The following ZNF43 variants were observed in gnomAD, a reference collection of about 807,000 sequenced individuals.
ZNF43 encodes zinc finger protein 43, also known as zinc finger protein 39-like 1 (KOX 27).
A neutral mutation model predicts 68.4 loss-of-function variants in ZNF43; 44 were observed. The observed-to-expected ratio is 0.64, with a 90% CI of 0.51 to 0.83. The LOEUF is 0.83. Among genes scored for constraint, ZNF43 ranks in the 40% least tolerant of loss-of-function variants. The pLI, the probability that ZNF43 is intolerant of heterozygous loss-of-function variation, is 0.00. For missense variants in ZNF43, 896 were observed against 933.2 expected (o/e 0.96, Z 0.52); for synonymous variants, 308 against 307.8 (o/e 1.00, Z -0.01).
At chr19:21,841,243 G>T (rs1967510701) in intron 1 of ZNF43, 1 of 152,194 alleles carries the variant, frequency 6.6e-6, no homozygotes, top group African/African-American at 2.4e-5. Flanking sequence ...TGTGAACTGG[G>T]CTAAAGTGTA....
Position 21,806,578 on chromosome 19 carries a change from A to G in ZNF43, c.*1029T>C, listed in dbSNP as rs1425974516. ...CAGCAACAATTGGTCACATGCTTTC[A>G]CATGTGAATATAGCAGGAATGAAAA... On this transcript the variant is annotated 3_prime_UTR_variant, in exon 4 of 4. Transcript: ENST00000354959. 1 of 152,238 alleles carries G rather than the reference A, an allele frequency of 6.6e-6. No individual in the cohort carries two copies. Among genetic ancestry groups the G allele is most frequent in the Non-Finnish European group, 1.5e-5 (1 of 68,042 alleles). The allele number at this position is 152,238 out of a possible 1,614,324, so 9.4% of individuals were successfully genotyped here. A position where few individuals can be genotyped will look rare whatever the true frequency, so the allele number is the denominator to read the frequency against.
chr19:21,824,541 A>G (rs1444921791), intron 1 of ZNF43, among the ~76,000 whole-genome samples: 1 of 152,062 alleles, frequency 6.6e-6, no homozygotes, highest in African/African-American at 2.4e-5. Flanking sequence ...TCTCTTGCTA[A>G]TTTTCTGTAC....
intron 3 of ZNF43, among the ~76,000 whole-genome samples, chr19:21,811,055 C>A (rs962662707): frequency 1.1e-4 from 16 of 152,072 alleles, no homozygotes; most frequent in Non-Finnish European, 1.6e-4. Flanking sequence ...CTGGCAAATC[C>A]AAAAATATAT....
chr19:21,828,762 G>A (rs1599504315), intron 1 of ZNF43, among the ~76,000 whole-genome samples: 1 of 151,056 alleles, frequency 6.6e-6, no homozygotes, highest in African/African-American at 2.4e-5. Flanking sequence ...AGCCGGACGC[G>A]GTGGCTCACG....
At chr19:21,814,500 C>T (rs925973525) in intron 3 of ZNF43, among the ~76,000 whole-genome samples, 2 of 151,634 alleles carry the variant, frequency 1.3e-5, no homozygotes, top group Admixed American at 6.6e-5. Context: ...ATCTCCACTT[C>T]CCGGGTTTGA....
chr19:21,817,975 A>T lies in ZNF43; in HGVS notation c.142T>A (p.Ser48Thr), dbSNP rs1287317708. 1 of 1,612,882 alleles carries T rather than the reference A, an allele frequency of 6.2e-7. No homozygotes were observed. Among genetic ancestry groups the T allele is most frequent in the South Asian group, 1.1e-5 (1 of 91,018 alleles). Residue 48 changes from serine to threonine, a missense_variant, in exon 3 of 4, where the codon TCT (serine) becomes ACT (threonine). By Grantham distance (58) the Ser-to-Thr change is moderately conservative (BLOSUM62 1). Transcript: ENST00000354959. ...RNLVFLGIAV[S>T]KPDLITCLEQ... Reference sequence around the variant, plus strand: ...AGACAGGTGATCAGGTCTGGCTTAGAGACAGCAATACCTGTTTCAATAAAA... The same window carrying T: ...AGACAGGTGATCAGGTCTGGCTTAGTGACAGCAATACCTGTTTCAATAAAA...
intron 1 of ZNF43, among the ~76,000 whole-genome samples, chr19:21,822,532 G>A (rs1016124293): frequency 1.3e-5 from 2 of 151,886 alleles, no homozygotes; most frequent in Non-Finnish European, 2.9e-5. Flanking sequence ...GTGGCCGGGC[G>A]CGGTGGCTCA....
intron 2 of ZNF43, 136 bp downstream of exon 2, chr19:21,818,959 C>T (rs2435005): frequency 0.022 from 29,046 of 1,294,938 alleles, 878 homozygotes; most frequent in African/African-American, 0.14. Flanking sequence ...AGTGCGCCAA[C>T]AAATCCCAAT....
rs74174041 is a variant in ZNF43 at position 21,806,169 on chromosome 19, C to CTTTTTTTTTTTTTTTTTTTTTTTT, written c.*1437_*1438insAAAAAAAAAAAAAAAAAAAAAAAA. 7.9e-6 allele frequency: 1 copy of CTTTTTTTTTTTTTTTTTTTTTTTT among 126,122 alleles called. No individual in the cohort carries two copies. The highest frequency in any genetic ancestry group is 2.9e-5 in the African/African-American group (1 of 35,062). 7.8% of individuals were successfully genotyped at this position (126,122 alleles called of 1,614,324 possible). ...CTCCAGTTACATTTTCATCACGCAT[C>CTTTTTTTTTTTTTTTTTTTTTTTT]TTTTTTTTTTTTTTTTTTCTTTTTG... On this transcript the variant is annotated 3_prime_UTR_variant, in exon 4 of 4. Coordinates refer to ENST00000354959, the MANE Select transcript of ZNF43 (RefSeq NM_003423.4).
chr19:21,819,187 A>G lies in ZNF43; in HGVS notation c.38T>C (p.Phe13Ser). 1.2e-6 allele frequency: 2 copies of G among 1,606,368 alleles called. No homozygotes were observed. Among genetic ancestry groups the G allele is most frequent in the Non-Finnish European group, 1.7e-6 (2 of 1,177,652 alleles). Residue 13 changes from phenylalanine (F) to serine (S), a missense_variant, in exon 2 of 4, where the codon TTC becomes TCC. Coordinates refer to ENST00000354959, the MANE Select transcript of ZNF43 (RefSeq NM_003423.4). The stretch of plus-strand genomic sequence containing the variant: ...CAGGCATTGCCACTCCTCCAGACAG[A>G]ATTCTATGGCCACATCCATAAATGT... Reference protein sequence around the residue: ...PLTFMDVAIEFCLEEWQCLDI... With the variant: ...PLTFMDVAIESCLEEWQCLDI...
intron 1 of ZNF43, among the ~76,000 whole-genome samples, chr19:21,843,573 T>G (rs1967689078): frequency 6.6e-6 from 1 of 152,094 alleles, no homozygotes; most frequent in South Asian, 2.1e-4. Flanking sequence ...GTGGATCACC[T>G]GAGGTCAGGA....
chr19:21,849,761 C>T (rs1033443802), intron 1 of ZNF43, among the ~76,000 whole-genome samples: 1 of 151,878 alleles, frequency 6.6e-6, no homozygotes, highest in African/African-American at 2.4e-5. Flanking sequence ...AAAAGTAATT[C>T]TCTATGACAT....
At chr19:21,850,148 C>G (rs1028024517) in intron 1 of ZNF43, among the ~76,000 whole-genome samples, 1 of 152,180 alleles carries the variant, frequency 6.6e-6, no homozygotes, top group African/African-American at 2.4e-5. Flanking sequence ...GCAGGAGAGA[C>G]ACATTACCTG....
rs758272352 is a variant in ZNF43, at chr19:21,809,250, A to G, written c.787T>C (p.Cys263Arg). The G allele has an allele frequency of 3.7e-6, 6 of 1,613,644 alleles. No individual in the cohort carries two copies. The highest frequency in any genetic ancestry group is 2.2e-5 in the East Asian group (1 of 44,846). ...GAGGACTTGTTAAAAGCTTTGCCAC[A>G]TTCTTCACATTTGTAGAGTTTGTAT... ...TRYKLYKCEECGKAFNKSSIL... is the reference protein window; with the variant it reads ...TRYKLYKCEERGKAFNKSSIL... The change falls in exon 4 of 4, where the codon TGT (cysteine) becomes CGT (arginine). Residue 263 changes from cysteine (C) to arginine (R), a missense_variant. Transcript: ENST00000354959.
In ZNF43 at chr19:21,809,068, A is replaced by G; in HGVS notation, c.969T>C (p.Phe323=). Residue 323 remains phenylalanine (F), a synonymous_variant, in exon 4 of 4, where the codon TTT becomes TTC. Coordinates refer to ENST00000354959, the MANE Select transcript of ZNF43 (RefSeq NM_003423.4). ...GTTTAGTAAGAGTTGAGGGCCAGTTAAAGGCTTTGCCACATTCTTCACATT... is the reference window on the plus strand; with the variant it reads ...GTTTAGTAAGAGTTGAGGGCCAGTTGAAGGCTTTGCCACATTCTTCACATT... The part of the protein sequence containing the change: ...PYKCEECGKA[F]NWPSTLTKHK... 6.2e-7 allele frequency: 1 copy of G among 1,613,514 alleles called. No homozygotes were observed. The highest frequency in any genetic ancestry group is 8.5e-7 in the Non-Finnish European group (1 of 1,179,832).
At chr19:21,822,367 G>A (rs981235899) in intron 1 of ZNF43, among the ~76,000 whole-genome samples, 5 of 142,828 alleles carry the variant, frequency 3.5e-5, no homozygotes, top group African/African-American at 1.3e-4. Context: ...AGTCACATGA[G>A]GCACTTAATT....
chr19:21,850,340 A>C (rs1968261574), intron 1 of ZNF43, among the ~76,000 whole-genome samples: 1 of 150,784 alleles, frequency 6.6e-6, no homozygotes, highest in Non-Finnish European at 1.5e-5. Context: ...AAGCAGGTGG[A>C]TCACGAGGTC....
chr19:21,809,856 TA>T (rs775320026), intron 3 of ZNF43, 49 bp from the exon 4 acceptor site: 24 of 1,454,950 alleles, frequency 1.6e-5, no homozygotes, highest in Non-Finnish European at 2.1e-5. Context: ...GACTCAGAGA[TA>T]AATATACTTT....
chr19:21,834,803 A>G (rs1430074178), intron 1 of ZNF43, among the ~76,000 whole-genome samples: 4 of 151,874 alleles, frequency 2.6e-5, no homozygotes, highest in Non-Finnish European at 4.4e-5. Context: ...GAAAGAAAGA[A>G]GAAGGAAAGA....
Sources: gnomAD v4.1 joint callset for allele counts (sites outside exome capture counted in the v4.1 genomes callset) on GRCh38, gnomAD v4.1.1 for gene constraint, MANE v1.5 for transcripts, NCBI Gene and HGNC (gene_info 2026-07-23, HGNC 2026-07-21) for gene names.